RNF185: variants seen among roughly 807,000 people sequenced by gnomAD.
RNF185 encodes E3 ubiquitin-protein ligase RNF185.
Under a neutral mutation model 24.9 loss-of-function variants are expected in RNF185, and 13 were observed. The ratio of observed to expected loss-of-function variants is 0.52; its 90% CI spans 0.34 to 0.83. The LOEUF (loss-of-function observed/expected upper bound fraction) is 0.83. Ranked by LOEUF, RNF185 falls within the 40% of genes least tolerant of loss-of-function variation. The probability of loss-of-function intolerance (pLI) is 0.01; values close to 1 mark genes in which losing one functional copy is unlikely to be tolerated. For synonymous variants in RNF185, 79 were observed against 90.3 expected (o/e 0.88, Z 0.71); for missense variants, 184 against 244.7 (o/e 0.75, Z 1.65).
intron 1 of RNF185, among the ~76,000 whole-genome samples, chr22:31,182,067 AC>A (rs2048043315): frequency 6.7e-6 from 1 of 150,262 alleles, no homozygotes; most frequent in East Asian, 2.0e-4. Flanking sequence ...AAAAAAAAAA[AC>A]ACAATATCAT....
intron 1 of RNF185, among the ~76,000 whole-genome samples, chr22:31,164,903 AT>A (rs922020876): frequency 2.1e-4 from 31 of 144,922 alleles, no homozygotes; most frequent in South Asian, 1.3e-3. Context: ...ACTAAAATTT[AT>A]TTTTTTTTTA....
intron 1 of RNF185, among the ~76,000 whole-genome samples, chr22:31,168,946 C>G (rs1924112015): frequency 6.6e-6 from 1 of 152,090 alleles, no homozygotes; most frequent in Admixed American, 6.6e-5. Flanking sequence ...CTCTCTCTCT[C>G]TTGCCCAGGC....
intron 1 of RNF185, among the ~76,000 whole-genome samples, chr22:31,179,669 G>C (rs910104754): frequency 6.6e-6 from 1 of 152,208 alleles, no homozygotes; most frequent in African/African-American, 2.4e-5. Flanking sequence ...TCAGTGCCTG[G>C]CCTGGCACAA....
intron 1 of RNF185, among the ~76,000 whole-genome samples, chr22:31,180,134 T>C (rs1336210362): frequency 6.6e-6 from 1 of 152,098 alleles, no homozygotes; most frequent in East Asian, 1.9e-4. Flanking sequence ...TAGGAAATTT[T>C]ATGTATTATT....
chr22:31,204,439 G>T, intron 6 of RNF185, 50 bp from the exon 7 acceptor site: 1 of 1,144,568 alleles, frequency 8.7e-7, no homozygotes, highest in South Asian at 1.2e-5. Flanking sequence ...TGGGCAGTGT[G>T]CATAGCTGCA....
In RNF185 at chr22:31,206,612, C is replaced by T. The variant is rs2048316781; in HGVS notation, c.*2026C>T. The T allele has an allele frequency of 6.6e-6, 1 of 152,396 alleles. No individual in the cohort carries two copies. The highest frequency in any genetic ancestry group is 2.1e-4 in the South Asian group (1 of 4,832). The allele number at this position is 152,396 out of a possible 1,614,324, so 9.4% of individuals were successfully genotyped here. On this transcript the variant is annotated 3_prime_UTR_variant, in exon 7 of 7. Coordinates refer to ENST00000326132, the MANE Select transcript of RNF185 (RefSeq NM_152267.4). ...ATGAAATGGAGTGAGCCCAGGAGAG[C>T]TCAGCCAACAGAGGCACTCTGGGAA...
rs1346857396 is a variant in RNF185, at chr22:31,206,042, G to C, written c.*1456G>C. 3 of 154,640 alleles carry C rather than the reference G, an allele frequency of 1.9e-5. No homozygotes were observed. The highest frequency in any genetic ancestry group is 1.0e-3 in the Middle Eastern group (2 of 1,944). 9.6% of individuals were successfully genotyped at this position (154,640 alleles called of 1,614,324 possible). Reference sequence around the variant, plus strand: ...CTGGAGGGAGATGGGCTTTCCTCTGGGCCTCTCTCCTACTTTGCCATCCAC... The same window carrying C: ...CTGGAGGGAGATGGGCTTTCCTCTGCGCCTCTCTCCTACTTTGCCATCCAC... On this transcript the variant is annotated 3_prime_UTR_variant, in exon 7 of 7. Transcript: ENST00000326132.
At chr22:31,189,163 GTT>G (rs1491258542) in intron 2 of RNF185, among the ~76,000 whole-genome samples, 7 of 140,536 alleles carry the variant, frequency 5.0e-5, no homozygotes, top group African/African-American at 1.9e-4. Context: ...GTGTGTGTGT[GTT>G]TGTGTTTGTG....
At chr22:31,200,978 G>A (rs1321073316) in intron 5 of RNF185, among the ~76,000 whole-genome samples, 2 of 152,190 alleles carry the variant, frequency 1.3e-5, no homozygotes, top group Non-Finnish European at 2.9e-5. Context: ...CAGTGTTACC[G>A]CTTAAGTCAG....
At chr22:31,184,946 G>A (rs1377644842) in intron 1 of RNF185, among the ~76,000 whole-genome samples, 1 of 148,782 alleles carries the variant, frequency 6.7e-6, no homozygotes, top group Non-Finnish European at 1.5e-5. Context: ...GAGGGAGGGG[G>A]AGGGGGAGGG....
At chr22:31,202,009 C>G (rs2048267692) in intron 6 of RNF185, among the ~76,000 whole-genome samples, 1 of 152,192 alleles carries the variant, frequency 6.6e-6, no homozygotes, top group Admixed American at 6.5e-5. Context: ...TTACTTCCCA[C>G]TTTGACCATT....
At chr22:31,191,505 A>T (rs936437043) in intron 2 of RNF185, among the ~76,000 whole-genome samples, 2 of 152,176 alleles carry the variant, frequency 1.3e-5, no homozygotes, top group African/African-American at 4.8e-5. Flanking sequence ...TACACAGTAG[A>T]TATGTGTTAA....
Position 31,184,023 on chromosome 22 carries a change from C to A in RNF185, c.-48-3024C>A, listed in dbSNP as rs957247799. Among the ~76,000 whole-genome samples, 135 of 149,702 alleles carry A rather than the reference C, an allele frequency of 9.0e-4. 3 individuals carry two copies. The highest frequency in any genetic ancestry group is 8.3e-3 in the Admixed American group (126 of 15,144). Reference sequence around the variant, plus strand: ...GCTGGCCGGGCGGGGGCTGCCCCCCCCCACCTCCCGGACGGGGCGGCTGGC... The same window carrying A: ...GCTGGCCGGGCGGGGGCTGCCCCCCACCACCTCCCGGACGGGGCGGCTGGC... On this transcript the variant is annotated intron_variant, in intron 1 of 6. Coordinates refer to ENST00000326132, the MANE Select transcript of RNF185 (RefSeq NM_152267.4).
At chr22:31,185,284 C>T (rs1355605681) in intron 1 of RNF185, among the ~76,000 whole-genome samples, 5 of 152,074 alleles carry the variant, frequency 3.3e-5, no homozygotes, top group African/African-American at 7.2e-5. Flanking sequence ...GAGCTGGTAT[C>T]GTGGTGAGGG....
At position 31,180,909 on chromosome 22, in the gene RNF185, CTCTCTCTGTGTGTGTGTG is replaced by C. The variant is rs1394760532; in HGVS notation, c.-48-6136_-48-6119del. On this transcript the variant is annotated intron_variant, in intron 1 of 6. Coordinates refer to ENST00000326132, the MANE Select transcript of RNF185 (RefSeq NM_152267.4). ...TGTGTATTTTCTAGGCATTTTCTCT[CTCTCTCTGTGTGTGTGTG>C]TGTGTGTGTGTGTGTGTGTGTGTGT... Among the ~76,000 whole-genome samples, 18 of 128,852 alleles carry C rather than the reference CTCTCTCTGTGTGTGTGTG, an allele frequency of 1.4e-4. No homozygotes were observed. In the East Asian group the frequency reaches 3.8e-3, roughly 27 times the overall value. 84.5% of individuals were successfully genotyped at this position (128,852 alleles called of 152,430 possible). A position where few individuals can be genotyped will look rare whatever the true frequency, so the allele number is the denominator to read the frequency against.
chr22:31,180,213 A>T (rs1452374257), intron 1 of RNF185, among the ~76,000 whole-genome samples: 2 of 152,226 alleles, frequency 1.3e-5, no homozygotes, highest in African/African-American at 2.4e-5. Flanking sequence ...GTGTAATCCC[A>T]GCACTTTGGA....
chr22:31,161,486 T>C (rs1261867481), intron 1 of RNF185, among the ~76,000 whole-genome samples: 3 of 152,254 alleles, frequency 2.0e-5, no homozygotes, highest in Non-Finnish European at 4.4e-5. Context: ...ACCATCCTTC[T>C]TTTCAAGGAC....
chr22:31,197,022 A>G, intron 5 of RNF185, 32 bp downstream of exon 5: 1 of 1,612,966 alleles, frequency 6.2e-7, no homozygotes, highest in Non-Finnish European at 8.5e-7. Context: ...GCTTCTACAA[A>G]TGAGCTGATG....
chr22:31,199,619 G>A (rs1364369598), intron 5 of RNF185, among the ~76,000 whole-genome samples: 1 of 152,186 alleles, frequency 6.6e-6, no homozygotes, highest in Non-Finnish European at 1.5e-5. Flanking sequence ...GAAGCAGAAC[G>A]GTTAGTCCTC....
Sources: gnomAD v4.1 joint callset for allele counts (sites outside exome capture counted in the v4.1 genomes callset) on GRCh38, gnomAD v4.1.1 for gene constraint, MANE v1.5 for transcripts, NCBI Gene and HGNC (gene_info 2026-07-23, HGNC 2026-07-21) for gene names.